ANKRD30B: variants seen among roughly 807,000 people sequenced by gnomAD.
ANKRD30B encodes the protein ankyrin repeat domain-containing protein 30B.
ANKRD30B carries 144 observed loss-of-function variants against 202.2 expected under a neutral mutation model. That is an observed-to-expected ratio of 0.71 (90% CI 0.62 to 0.82). The LOEUF (loss-of-function observed/expected upper bound fraction) is 0.82. Ranked by LOEUF, ANKRD30B falls within the 40% of genes least tolerant of loss-of-function variation. The pLI is 0.00. For missense variants in ANKRD30B, 1,487 were observed against 1,669.1 expected (o/e 0.89, Z 1.90); for synonymous variants, 508 against 561.3 (o/e 0.91, Z 1.34).
At chr18:14,888,831 A>G in the ANKRD30B span, 20 of 950,516 alleles carry the variant, frequency 2.1e-5, no homozygotes, top group Middle Eastern at 9.7e-4. Context: ...CATTTAGCTG[A>G]GGCATATGTG....
chr18:14,784,590 G>A (rs1967958244), intron 14 of ANKRD30B, 55 bp downstream of exon 14: 1 of 1,534,882 alleles, frequency 6.5e-7, no homozygotes, highest in Non-Finnish European at 8.9e-7. Context: ...TGGACATTTT[G>A]ATAGTCTTTC....
chr18:14,819,109 C>A (rs1473205429), intron 30 of ANKRD30B, among the ~76,000 whole-genome samples: 1 of 151,558 alleles, frequency 6.6e-6, no homozygotes, highest in Non-Finnish European at 1.5e-5. Flanking sequence ...TCTCTGATGG[C>A]CAGTGATGAT....
intron 20 of ANKRD30B, among the ~76,000 whole-genome samples, chr18:14,798,527 C>G (rs71364876): frequency 7.9e-5 from 12 of 152,246 alleles, no homozygotes; most frequent in African/African-American, 2.2e-4. Flanking sequence ...TGTGAAGCTA[C>G]ACAACCGGTT....
At chr18:14,828,100 T>A (rs1434779409) in intron 32 of ANKRD30B, among the ~76,000 whole-genome samples, 178 bp from the exon 33 acceptor site, 3 of 152,194 alleles carry the variant, frequency 2.0e-5, no homozygotes, top group Non-Finnish European at 4.4e-5. Flanking sequence ...AGTTGAAGTC[T>A]TGCAATGTCT....
intron 22 of ANKRD30B, 22 bp downstream of exon 22, chr18:14,799,317 T>G: frequency 6.7e-7 from 1 of 1,499,712 alleles, no homozygotes; most frequent in South Asian, 1.3e-5. Context: ...AATTTTAATT[T>G]TACTCTGGAA....
At chr18:14,904,442 T>C in the ANKRD30B span, among the ~76,000 whole-genome samples, 5 of 152,166 alleles carry the variant, frequency 3.3e-5, no homozygotes, top group Admixed American at 2.6e-4. Flanking sequence ...TGAGTCACTT[T>C]ACCAGGCACA....
intron 34 of ANKRD30B, among the ~76,000 whole-genome samples, chr18:14,832,727 T>C (rs1371698955): frequency 6.6e-6 from 1 of 152,206 alleles, no homozygotes; most frequent in African/African-American, 2.4e-5. Context: ...GTTTCTAAAA[T>C]ATGACTTAAA....
chr18:14,860,022 C>T, the ANKRD30B span, among the ~76,000 whole-genome samples: 118 of 141,460 alleles, frequency 8.3e-4, 1 homozygote, highest in Middle Eastern at 4.2e-3. Flanking sequence ...TGGGCAGAGG[C>T]GCTCCTCACA....
At chr18:14,751,522 C>T (rs541022611) in intron 1 of ANKRD30B, among the ~76,000 whole-genome samples, 35 of 132,804 alleles carry the variant, frequency 2.6e-4, no homozygotes, top group African/African-American at 9.4e-4. Context: ...AAGTGAGAAA[C>T]GAGTAAAAGA....
chr18:14,918,075 A>C, the ANKRD30B span, among the ~76,000 whole-genome samples: 3 of 152,130 alleles, frequency 2.0e-5, no homozygotes, highest in Non-Finnish European at 2.9e-5. Flanking sequence ...CGGGGTGTGG[A>C]TGAGAAGGGT....
chr18:14,835,992 G>A (rs1212767967), intron 34 of ANKRD30B, among the ~76,000 whole-genome samples: 1 of 151,678 alleles, frequency 6.6e-6, no homozygotes, highest in Non-Finnish European at 1.5e-5. Context: ...TTATATTCTT[G>A]AAATAAATTT....
intron 30 of ANKRD30B, chr18:14,817,098 A>G (rs1970154158): frequency 6.6e-6 from 1 of 152,212 alleles, no homozygotes; most frequent in Admixed American, 6.5e-5. Flanking sequence ...AACATTTCTG[A>G]CTGTGCATTT....
intron 37 of ANKRD30B, among the ~76,000 whole-genome samples, chr18:14,841,513 G>A (rs1971419816): frequency 6.6e-6 from 1 of 152,138 alleles, no homozygotes; most frequent in African/African-American, 2.4e-5. Context: ...TTCTGAGTAT[G>A]TTTCTGACCA....
At position 14,797,847 on chromosome 18, in the gene ANKRD30B, C is replaced by A; in HGVS notation, c.2022C>A (p.Leu674=). 1 of 1,547,664 alleles carries A rather than the reference C, an allele frequency of 6.5e-7. No individual in the cohort carries two copies. Among genetic ancestry groups the A allele is most frequent in the East Asian group, 2.4e-5 (1 of 40,828 alleles). Residue 674 remains leucine, a synonymous_variant, in exon 20 of 44, where the codon CTC becomes CTA. Transcript: ENST00000690538. ...KALELKDRET[L]KAESPDNDGL... is the part of the protein sequence containing the mutation. ...TAGAATTAAAGGACAGAGAAACACT[C>A]AAAGCAGGTACATTTTGTAATTTAA...
chr18:14,924,121 C>T, the ANKRD30B span, among the ~76,000 whole-genome samples: 1 of 152,236 alleles, frequency 6.6e-6, no homozygotes, highest in African/African-American at 2.4e-5. Context: ...TGCTTAATTA[C>T]TCTGAATCTC....
At chr18:14,820,790 T>C (rs1403465024) in intron 30 of ANKRD30B, among the ~76,000 whole-genome samples, 1 of 152,194 alleles carries the variant, frequency 6.6e-6, no homozygotes, top group African/African-American at 2.4e-5. Flanking sequence ...GATTTTTGCA[T>C]CAATGTTCAT....
the ANKRD30B span, among the ~76,000 whole-genome samples, chr18:14,896,622 ATG>A: frequency 1.4e-5 from 2 of 147,662 alleles, no homozygotes; most frequent in Non-Finnish European, 3.0e-5. Context: ...ACTATTAAAA[ATG>A]TCTTTGGTAA....
At chr18:14,791,603 GA>G in intron 16 of ANKRD30B, 112 bp downstream of exon 16, 1 of 791,154 alleles carries the variant, frequency 1.3e-6, no homozygotes, top group Non-Finnish European at 2.0e-6. Context: ...GCAAAGCACA[GA>G]AAAAAGAGAA....
At chr18:14,809,729 C>T (rs1197166497) in intron 26 of ANKRD30B, among the ~76,000 whole-genome samples, 1 of 151,038 alleles carries the variant, frequency 6.6e-6, no homozygotes, top group East Asian at 1.9e-4. Context: ...CTGGCATTGT[C>T]TTTACACAAT....
Sources: allele counts gnomAD v4.1 joint callset (sites outside exome capture counted in the v4.1 genomes callset), GRCh38; gene constraint gnomAD v4.1.1; transcripts MANE v1.5; gene names NCBI Gene and HGNC (gene_info 2026-07-23, HGNC 2026-07-21).